The following ENOX1 variants were observed in gnomAD, a reference collection of about 807,000 sequenced individuals.
The protein encoded by ENOX1 is ecto-NOX disulfide-thiol exchanger 1.
ENOX1 carries 42 observed loss-of-function variants against 82.5 expected under a neutral mutation model. That is an observed-to-expected ratio of 0.51 (90% CI 0.40 to 0.66). The LOEUF (loss-of-function observed/expected upper bound fraction) is 0.66. ENOX1 is among the 30% of genes least tolerant of loss of function. The pLI is 0.00. For synonymous variants in ENOX1, 271 were observed against 282.2 expected, an observed-to-expected ratio of 0.96 and a Z score of 0.40; for missense variants, 608 against 811.6, an observed-to-expected ratio of 0.75 and a Z score of 3.05.
chr13:43,351,681 C>CT (rs2049815428), intron 8 of ENOX1, among the ~76,000 whole-genome samples: 1 of 147,064 alleles, frequency 6.8e-6, no homozygotes, highest in African/African-American at 2.5e-5. Context: ...GCGGTGTTTG[C>CT]TTTTTTGTTC....
At chr13:43,777,351 A>G (rs1951975938) in intron 1 of ENOX1, among the ~76,000 whole-genome samples, 1 of 152,208 alleles carries the variant, frequency 6.6e-6, no homozygotes. Context: ...TGAGAAATAT[A>G]ATAGTCCATA....
At chr13:43,642,851 C>T (rs560948723) in intron 2 of ENOX1, among the ~76,000 whole-genome samples, 8 of 152,290 alleles carry the variant, frequency 5.3e-5, no homozygotes, top group South Asian at 4.1e-4. Flanking sequence ...ACTTCCTTCA[C>T]GTAAGCTGAT....
chr13:43,446,444 T>C (rs534797002), intron 3 of ENOX1, among the ~76,000 whole-genome samples: 3 of 152,280 alleles, frequency 2.0e-5, no homozygotes, highest in South Asian at 4.2e-4. Context: ...CCTTTTTTTT[T>C]TTCTTCTTAA....
intron 2 of ENOX1, among the ~76,000 whole-genome samples, chr13:43,509,935 T>C (rs939091276): frequency 1.3e-5 from 2 of 151,878 alleles, no homozygotes; most frequent in Non-Finnish European, 2.9e-5. Context: ...ATGTTCTCAG[T>C]GTTGGACAGC....
At chr13:43,424,881 G>A (rs1156689397) in intron 3 of ENOX1, among the ~76,000 whole-genome samples, 1 of 152,098 alleles carries the variant, frequency 6.6e-6, no homozygotes. Flanking sequence ...AGGGCTATGG[G>A]GGCACAGGAG....
intron 3 of ENOX1, among the ~76,000 whole-genome samples, chr13:43,425,046 C>T (rs577270006): frequency 6.6e-6 from 1 of 152,100 alleles, no homozygotes; most frequent in East Asian, 1.9e-4. Context: ...CCTGAGTGTC[C>T]AAAAGGTATT....
At chr13:43,537,835 T>C (rs4473069) in intron 2 of ENOX1, among the ~76,000 whole-genome samples, 52,301 of 152,076 alleles carry the variant, frequency 0.34, 10,603 homozygotes, top group East Asian at 0.81. Context: ...AAAAGCACTA[T>C]CTGATTTCCC....
At chr13:43,509,328 G>A (rs969313765) in intron 2 of ENOX1, among the ~76,000 whole-genome samples, 1 of 152,038 alleles carries the variant, frequency 6.6e-6, no homozygotes, top group African/African-American at 2.4e-5. Flanking sequence ...ATGGATGACT[G>A]CTTAAATTGC....
chr13:43,560,466 ACT>A (rs914504074), intron 2 of ENOX1, among the ~76,000 whole-genome samples: 2 of 151,746 alleles, frequency 1.3e-5, no homozygotes, highest in Admixed American at 1.3e-4. Flanking sequence ...ACTGAAAAAT[ACT>A]CTCTTATTTT....
chr13:43,702,422 T>C (rs895418141), intron 1 of ENOX1, among the ~76,000 whole-genome samples: 1 of 152,208 alleles, frequency 6.6e-6, no homozygotes, highest in Non-Finnish European at 1.5e-5. Context: ...TGGCTAATAC[T>C]CTACTGCAGG....
chr13:43,594,565 G>A (rs1450740442), intron 2 of ENOX1, among the ~76,000 whole-genome samples: 1 of 152,142 alleles, frequency 6.6e-6, no homozygotes, highest in Non-Finnish European at 1.5e-5. Context: ...TTATATATAG[G>A]TGGTTAGGAT....
intron 3 of ENOX1, among the ~76,000 whole-genome samples, chr13:43,468,806 A>G (rs954715001): frequency 6.6e-6 from 1 of 152,170 alleles, no homozygotes; most frequent in Non-Finnish European, 1.5e-5. Flanking sequence ...TGCAGTTTTC[A>G]GCGTGCATGT....
intron 2 of ENOX1, among the ~76,000 whole-genome samples, chr13:43,651,508 C>T (rs950427695): frequency 4.6e-5 from 7 of 150,708 alleles, no homozygotes; most frequent in Admixed American, 2.0e-4. Context: ...TCAGCCTGGC[C>T]GACATGGAAA....
At chr13:43,304,426 G>A (rs1223019912) in intron 11 of ENOX1, among the ~76,000 whole-genome samples, 2 of 152,160 alleles carry the variant, frequency 1.3e-5, no homozygotes, top group Non-Finnish European at 2.9e-5. Context: ...ATTCCTCCAT[G>A]TAATGCCACC....
At chr13:43,555,916 C>G (rs2079415192) in intron 2 of ENOX1, among the ~76,000 whole-genome samples, 1 of 152,176 alleles carries the variant, frequency 6.6e-6, no homozygotes, top group South Asian at 2.1e-4. Context: ...TTAGAGATAG[C>G]ACAGAGCAGA....
chr13:43,305,478 C>T (rs1211051322), intron 11 of ENOX1, among the ~76,000 whole-genome samples: 3 of 152,004 alleles, frequency 2.0e-5, no homozygotes, highest in Non-Finnish European at 4.4e-5. Context: ...AGGGTAATTT[C>T]GGGAGTGCAG....
In ENOX1 at chr13:43,412,068, A is replaced by C; in HGVS notation, c.71-15T>G. On this transcript the variant is annotated splice_polypyrimidine_tract_variant and intron_variant, in intron 4 of 16. Coordinates refer to ENST00000690772, the MANE Select transcript of ENOX1 (RefSeq NM_001347969.2). ...ACCATCGGCTGCTGTGGGGAAAAAC[A>C]AACCATGATTTAGAGTCCATAGGCA... is the stretch of plus-strand genomic sequence containing the variant. The C allele has an allele frequency of 6.2e-7, 1 of 1,612,394 alleles. No individual in the cohort carries two copies. The highest frequency in any genetic ancestry group is 8.5e-7 in the Non-Finnish European group (1 of 1,178,524).
intron 2 of ENOX1, among the ~76,000 whole-genome samples, chr13:43,537,137 T>C (rs1302536263): frequency 6.6e-6 from 1 of 152,200 alleles, no homozygotes; most frequent in African/African-American, 2.4e-5. Flanking sequence ...TAATTCAGAA[T>C]GGTTTATCTG....
At chr13:43,498,520 C>G (rs2076870538) in intron 2 of ENOX1, among the ~76,000 whole-genome samples, 1 of 151,736 alleles carries the variant, frequency 6.6e-6, no homozygotes, top group South Asian at 2.1e-4. Context: ...GACTATATAC[C>G]TCAAAGAATA....
Sources: gnomAD v4.1 joint callset for allele counts (sites outside exome capture counted in the v4.1 genomes callset) on GRCh38, gnomAD v4.1.1 for gene constraint, MANE v1.5 for transcripts, NCBI Gene and HGNC (gene_info 2026-07-23, HGNC 2026-07-21) for gene names.